KLHL12: variants seen among roughly 807,000 people sequenced by gnomAD.
The protein encoded by KLHL12 is kelch like family member 12.
In KLHL12, 17 loss-of-function variants were observed where a neutral mutation model predicts 60.8. The observed-to-expected ratio is 0.28, with a 90% CI of 0.19 to 0.42. The LOEUF is 0.42. Ranked by LOEUF, KLHL12 falls within the 10% of genes least tolerant of loss-of-function variation. The pLI is 1.00. For missense variants in KLHL12, 468 were observed against 722.3 expected (o/e 0.65, Z 4.04); for synonymous variants, 220 against 250.9 (o/e 0.88, Z 1.16).
Position 202,896,876 on chromosome 1 carries a change from G to A in KLHL12, c.917C>T (p.Thr306Ile), listed in dbSNP as rs552777463. Residue 306 changes from threonine (T) to isoleucine (I), a missense_variant, in exon 7 of 12, where the codon ACT (threonine) becomes ATT (isoleucine). Around this residue, in one of 4 missense-constraint regions of KLHL12, gnomAD observed 339 missense variants for 525.0 expected, o/e 0.65. Coordinates refer to ENST00000367261, the MANE Select transcript of KLHL12 (RefSeq NM_021633.4). ...IDVVEKYDPK[T>I]QEWSFLPSIT... is the part of the protein sequence containing the mutation. Reference sequence around the variant, plus strand: ...TACTGGCAAAAAGCTCCACTCCTGAGTCTTGGGGTCATATTTCTCTACCAC... The same window carrying A: ...TACTGGCAAAAAGCTCCACTCCTGAATCTTGGGGTCATATTTCTCTACCAC... 1 of 1,614,008 alleles carries A rather than the reference G, an allele frequency of 6.2e-7. No homozygotes were observed. Among genetic ancestry groups the A allele is most frequent in the Non-Finnish European group, 8.5e-7 (1 of 1,179,880 alleles).
At chr1:202,916,746 T>C (rs1391986998) in intron 4 of KLHL12, among the ~76,000 whole-genome samples, 6 of 152,154 alleles carry the variant, frequency 3.9e-5, no homozygotes, top group African/African-American at 1.4e-4. Context: ...TGGTATTGCC[T>C]GAGCCTAGCA....
intron 1 of KLHL12, among the ~76,000 whole-genome samples, 178 bp downstream of exon 1, chr1:202,926,911 G>A (rs889394217): frequency 6.6e-6 from 1 of 152,186 alleles, no homozygotes; most frequent in African/African-American, 2.4e-5. Flanking sequence ...CAGTTCAGGG[G>A]GAGAGTTGAG....
In KLHL12 at chr1:202,900,341, C is replaced by T. The variant is rs566949246; in HGVS notation, c.833-3381G>A. ...GGCAGATTCCTTGCGCCCAGGGGTT[C>T]GAGGCCACTTTGGGTAACATGGTGA... is the stretch of plus-strand genomic sequence containing the variant. On this transcript the variant is annotated intron_variant, in intron 6 of 11. Coordinates refer to ENST00000367261, the MANE Select transcript of KLHL12 (RefSeq NM_021633.4). 7.3e-5 allele frequency among the ~76,000 whole-genome samples: 11 copies of T among 150,062 alleles called. No homozygotes were observed. The East Asian group carries it at 1.4e-3, about 19-fold the overall frequency.
chr1:202,921,281 T>C (rs1660691165), intron 2 of KLHL12, among the ~76,000 whole-genome samples: 2 of 152,088 alleles, frequency 1.3e-5, no homozygotes, highest in Admixed American at 6.6e-5. Flanking sequence ...TTCAAGCGAT[T>C]CTCCTGCCTC....
Position 202,909,036 on chromosome 1 carries a change from T to C in KLHL12, c.806A>G (p.Gln269Arg). 4 of 1,613,802 alleles carry C rather than the reference T, an allele frequency of 2.5e-6. No individual in the cohort carries two copies. The highest frequency in any genetic ancestry group is 3.4e-6 in the Non-Finnish European group (4 of 1,179,712). The change falls in exon 6 of 12, where the codon CAG becomes CGG. Residue 269 changes from glutamine (Q) to arginine (R), a missense_variant. Gln to Arg is a conservative substitution (Grantham distance 43). Transcript: ENST00000367261. This position sits in a 1 kb window ranked among gnomAD's most constrained non-coding sequence, Gnocchi z 4.1. ...HLRPELRSQM[Q>R]GPRTRARLGA... ...TAGGCGAGCCCTTGTCCTGGGTCCC[T>C]GCATCTGACTCCGAAGTTCAGGCCT...
rs1481769517 is a variant in KLHL12 at position 202,909,128 on chromosome 1, A to C, written c.718-4T>G. ...GTAAACTACAGCGGATGAAAGGCTG[A>C]AATATAGCAGACAGCAGAGTTAGGC... On this transcript the variant is annotated splice_polypyrimidine_tract_variant and splice_region_variant and intron_variant, in intron 5 of 11. Transcript: ENST00000367261. The surrounding 1 kb of genome is among the most constrained non-coding windows in gnomAD (Gnocchi z 4.1). 3 of 1,596,304 alleles carry C rather than the reference A, an allele frequency of 1.9e-6. No individual in the cohort carries two copies. The highest frequency in any genetic ancestry group is 1.7e-6 in the Non-Finnish European group (2 of 1,164,190).
At position 202,911,132 on chromosome 1, in the gene KLHL12, T is replaced by A. The variant is rs1571531270; in HGVS notation, c.639A>T (p.Glu213Asp). 6.2e-7 allele frequency: 1 copy of A among 1,614,158 alleles called. No homozygotes were observed. The change falls in exon 5 of 12, where the codon GAA becomes GAT. Residue 213 changes from glutamate to aspartate, a missense_variant. By Grantham distance (45) the Glu-to-Asp change is conservative. Transcript: ENST00000367261. ...WVKHAKKEREESLPNLLQYVR... is the reference protein window; with the variant it reads ...WVKHAKKEREDSLPNLLQYVR... ...CATACTGTAGCAGGTTAGGCAAGGA[T>A]TCTTCCCGCTCTTTCTTGGCATGCT... is the stretch of plus-strand genomic sequence containing the variant.
chr1:202,908,852 G>T lies in KLHL12; in HGVS notation c.832+158C>A, dbSNP rs140526707. Among the ~76,000 whole-genome samples the T allele has an allele frequency of 4.3e-3, 661 of 152,266 alleles. 3 individuals are homozygous for T. The highest frequency in any genetic ancestry group is 0.015 in the African/African-American group (636 of 41,548). ...GAAGACATCCTTGATTTATAGGAAAGAAAGCTTAGAGTGGTAAAGTGACTT... is the reference window on the plus strand; with the variant it reads ...GAAGACATCCTTGATTTATAGGAAATAAAGCTTAGAGTGGTAAAGTGACTT... On this transcript the variant is annotated intron_variant, in intron 6 of 11. Coordinates refer to ENST00000367261, the MANE Select transcript of KLHL12 (RefSeq NM_021633.4).
intron 6 of KLHL12, among the ~76,000 whole-genome samples, chr1:202,906,458 A>G (rs1431618494): frequency 7.0e-6 from 1 of 142,034 alleles, no homozygotes; most frequent in African/African-American, 2.7e-5. Flanking sequence ...TTCGTCTCAA[A>G]AAAAAAAAAA....
Position 202,895,688 on chromosome 1 carries a change from G to A in KLHL12, c.969C>T (p.Ala323=). Residue 323 remains alanine, a synonymous_variant, in exon 8 of 12, where the codon GCC becomes GCT. Coordinates refer to ENST00000367261, the MANE Select transcript of KLHL12 (RefSeq NM_021633.4). This position sits in a 1 kb window ranked among gnomAD's most constrained non-coding sequence, Gnocchi z 4.2. ...PSITRKRRYV[A]SVSLHDRIYV... ...AGATCCGGTCATGAAGGGACACTGA[G>A]GCCACATAACGTCTCTTACGAGTGA... is the stretch of plus-strand genomic sequence containing the variant. 2.5e-6 allele frequency: 4 copies of A among 1,614,164 alleles called. No homozygotes were observed. The highest frequency in any genetic ancestry group is 3.4e-6 in the Non-Finnish European group (4 of 1,180,004).
In KLHL12 at chr1:202,924,914, T is replaced by C. The variant is rs1182788340; in HGVS notation, c.195+54A>G. 4.5e-6 allele frequency: 7 copies of C among 1,565,622 alleles called. No individual in the cohort carries two copies. The Admixed American group carries it at 1.4e-4, about 31-fold the overall frequency. ...CTTCCACTATTTTATTCAGTGAAATTAGACAACTAGAGTTCCACGGGTTTC... is the reference window on the plus strand; with the variant it reads ...CTTCCACTATTTTATTCAGTGAAATCAGACAACTAGAGTTCCACGGGTTTC... On this transcript the variant is annotated intron_variant, in intron 2 of 11. Coordinates refer to ENST00000367261, the MANE Select transcript of KLHL12 (RefSeq NM_021633.4).
chr1:202,916,217 G>A (rs927488239), intron 4 of KLHL12, among the ~76,000 whole-genome samples: 3 of 152,200 alleles, frequency 2.0e-5, no homozygotes, highest in African/African-American at 7.2e-5. Context: ...GCTTCTCTGG[G>A]CTGATACAGA....
intron 6 of KLHL12, among the ~76,000 whole-genome samples, chr1:202,907,046 C>T (rs1660215642): frequency 6.6e-6 from 1 of 152,108 alleles, no homozygotes; most frequent in Admixed American, 6.6e-5. Context: ...TTCTAATATT[C>T]TCATAGTTTT....
chr1:202,917,345 G>C (rs1004389364), intron 4 of KLHL12, among the ~76,000 whole-genome samples: 4 of 152,146 alleles, frequency 2.6e-5, no homozygotes, highest in African/African-American at 9.7e-5. Flanking sequence ...CTCTCAAGTA[G>C]CTGGGACCAC....
At chr1:202,896,750 G>T in intron 7 of KLHL12, 104 bp downstream of exon 7, 1 of 866,026 alleles carries the variant, frequency 1.2e-6, no homozygotes, top group Non-Finnish European at 2.0e-6. Context: ...GAAACATCCT[G>T]TTATTAGGCT....
intron 4 of KLHL12, chr1:202,912,690 T>G: frequency 1.5e-6 from 2 of 1,330,516 alleles, no homozygotes. Flanking sequence ...CTATGGTGGT[T>G]TCAGTAGCAG....
chr1:202,913,664 C>T (rs969411859), intron 4 of KLHL12, among the ~76,000 whole-genome samples: 5 of 152,088 alleles, frequency 3.3e-5, no homozygotes, highest in African/African-American at 1.2e-4. Flanking sequence ...ATGAGATTTC[C>T]TAGTTTAGAC....
In KLHL12 at chr1:202,911,099, C is replaced by T. The variant is rs544566755; in HGVS notation, c.672G>A (p.Met224Ile). The stretch of plus-strand genomic sequence containing the variant: ...TGATATACCTGGGGGTTAGTAGGGG[C>T]ATCCGCACATACTGTAGCAGGTTAG... ...SLPNLLQYVR[M>I]PLLTPRYITD... Residue 224 changes from methionine (M) to isoleucine (I), a missense_variant, in exon 5 of 12, where the codon ATG becomes ATA. By Grantham distance (10) the Met-to-Ile change is conservative (BLOSUM62 1). Around this residue, in one of 4 missense-constraint regions of KLHL12, gnomAD observed 339 missense variants for 525.0 expected, o/e 0.65. Coordinates refer to ENST00000367261, the MANE Select transcript of KLHL12 (RefSeq NM_021633.4). The T allele has an allele frequency of 6.2e-7, 1 of 1,613,980 alleles. No individual in the cohort carries two copies. The highest frequency in any genetic ancestry group is 8.5e-7 in the Non-Finnish European group (1 of 1,180,016).
intron 6 of KLHL12, among the ~76,000 whole-genome samples, chr1:202,908,733 A>ATT (rs1234767108): frequency 6.6e-6 from 1 of 152,172 alleles, no homozygotes; most frequent in Non-Finnish European, 1.5e-5. Context: ...TATTGACAAA[A>ATT]AATTGTAACA....
Sources: gnomAD v4.1 joint callset for allele counts (sites outside exome capture counted in the v4.1 genomes callset) on GRCh38, gnomAD v4.1.1 for gene constraint, gnomAD v4.1.1 regional missense constraint, Gnocchi (gnomAD v3.1) non-coding constraint, MANE v1.5 for transcripts, NCBI Gene and HGNC (gene_info 2026-07-23, HGNC 2026-07-21) for gene names.